CDIN1: variants seen among roughly 807,000 people sequenced by gnomAD.
CDIN1 encodes CDAN1 interacting nuclease 1, also known as CDAN1-interacting nuclease 1.
Under a neutral mutation model 45.3 loss-of-function variants are expected in CDIN1, and 33 were observed. The observed-to-expected ratio is 0.73, with a 90% confidence interval of 0.55 to 0.97. The LOEUF (loss-of-function observed/expected upper bound fraction) is 0.97, where lower values mean the gene tolerates loss of function less well. Ranked by LOEUF, CDIN1 falls within the 50% of genes least tolerant of loss-of-function variation. The pLI, the probability that CDIN1 is intolerant of heterozygous loss-of-function variation, is 0.00. For synonymous variants in CDIN1, 118 were observed against 124.4 expected, an observed-to-expected ratio of 0.95 and a Z score of 0.34; for missense variants, 303 against 339.4, an observed-to-expected ratio of 0.89 and a Z score of 0.84.
chr15:36,678,730 T>A (rs1434212489), intron 5 of CDIN1, among the ~76,000 whole-genome samples: 2 of 152,198 alleles, frequency 1.3e-5, no homozygotes, highest in African/African-American at 2.4e-5. Context: ...GATCTTAGAT[T>A]AGGGATCCCA....
intron 10 of CDIN1, 22 bp from the exon 11 acceptor site, chr15:36,808,302 T>C: frequency 6.2e-7 from 1 of 1,612,694 alleles, no homozygotes; most frequent in Non-Finnish European, 8.5e-7. Flanking sequence ...TGTGTGTGTG[T>C]TATTTTCTGG....
rs5811929 is a variant in CDIN1 at position 36,722,955 on chromosome 15, T to TTGTGTG, written c.716+13020_716+13025dup. On this transcript the variant is annotated intron_variant, in intron 10 of 10. Coordinates refer to ENST00000566621, the MANE Select transcript of CDIN1 (RefSeq NM_001321759.2). ...ATTAACACAAGTCAATTACATTCAC[T>TTGTGTG]TGTGTGTGTGTGTGTGTGTGTGTGT... Among the ~76,000 whole-genome samples the TTGTGTG allele has an allele frequency of 3.2e-3, 193 of 60,608 alleles. 2 individuals are homozygous for TTGTGTG. The South Asian group carries it at 0.046, about 14-fold the overall frequency. The allele number at this position is 60,608 out of a possible 152,430, so 39.8% of individuals were successfully genotyped here.
intron 5 of CDIN1, among the ~76,000 whole-genome samples, chr15:36,669,771 T>C (rs2041379366): frequency 6.6e-6 from 1 of 152,102 alleles, no homozygotes; most frequent in African/African-American, 2.4e-5. Flanking sequence ...TCAATTTGGA[T>C]GTGTCTAAGG....
Position 36,612,704 on chromosome 15 carries a change from T to C in CDIN1, c.102-31574T>C, listed in dbSNP as rs182723417. 9.8e-5 allele frequency among the ~76,000 whole-genome samples: 15 copies of C among 152,308 alleles called. No homozygotes were observed. The East Asian group carries it at 2.7e-3, about 27-fold the overall frequency. On this transcript the variant is annotated intron_variant, in intron 1 of 10. Transcript: ENST00000566621. ...TTTGGTCTGACTATGTCAGGACTTG[T>C]ATATGGCTTTTACAGATTTCCTGCA...
chr15:36,623,490 TG>T (rs1284317754), intron 1 of CDIN1, among the ~76,000 whole-genome samples: 4 of 152,352 alleles, frequency 2.6e-5, no homozygotes, highest in East Asian at 1.9e-4. Flanking sequence ...CAGTAGTGAA[TG>T]GTGGATTTTA....
chr15:36,753,599 A>G (rs1180014476), intron 10 of CDIN1, among the ~76,000 whole-genome samples: 5 of 146,996 alleles, frequency 3.4e-5, no homozygotes, highest in Non-Finnish European at 5.9e-5. Context: ...GAATCAAACT[A>G]TTGACATGTA....
chr15:36,614,715 A>G (rs1433121937), intron 1 of CDIN1, among the ~76,000 whole-genome samples: 1 of 152,236 alleles, frequency 6.6e-6, no homozygotes, highest in Non-Finnish European at 1.5e-5. Context: ...TGCTGTCTAC[A>G]AAGTACTAGC....
chr15:36,619,286 T>G, intron 1 of CDIN1: 6 of 986,142 alleles, frequency 6.1e-6, no homozygotes, highest in Non-Finnish European at 5.6e-6. Context: ...ACAAAACTAT[T>G]CAAAAACTTC....
intron 10 of CDIN1, among the ~76,000 whole-genome samples, chr15:36,773,451 T>A (rs1049823412): frequency 1.3e-5 from 2 of 152,234 alleles, no homozygotes; most frequent in Admixed American, 6.5e-5. Flanking sequence ...AGTTATTTTT[T>A]ATTTTGATTT....
chr15:36,674,117 T>A (rs2041553873), intron 5 of CDIN1, among the ~76,000 whole-genome samples: 1 of 152,174 alleles, frequency 6.6e-6, no homozygotes, highest in Non-Finnish European at 1.5e-5. Context: ...GGCTCCTTAA[T>A]AAGCGTATGC....
At chr15:36,718,812 C>CTTTTTTTTTTTTTTTTTTTT (rs3045909) in intron 10 of CDIN1, among the ~76,000 whole-genome samples, 6 of 96,626 alleles carry the variant, frequency 6.2e-5, no homozygotes, top group Non-Finnish European at 9.8e-5. Context: ...AATTTGTATG[C>CTTTTTTTTTTTTTTTTTTTT]TTTTTTTTTT....
intron 10 of CDIN1, among the ~76,000 whole-genome samples, chr15:36,725,317 CTTTTT>C (rs34845224): frequency 2.1e-5 from 3 of 139,942 alleles, no homozygotes; most frequent in Non-Finnish European, 4.6e-5. Context: ...TCTCTTGCCT[CTTTTT>C]TTTTTTTTTT....
chr15:36,694,729 C>T (rs538473428), intron 7 of CDIN1, among the ~76,000 whole-genome samples: 3 of 152,142 alleles, frequency 2.0e-5, no homozygotes, highest in Non-Finnish European at 4.4e-5. Context: ...TAGACAAAAG[C>T]ATAAACTATG....
At chr15:36,622,089 A>G (rs2039222775) in intron 1 of CDIN1, among the ~76,000 whole-genome samples, 2 of 152,252 alleles carry the variant, frequency 1.3e-5, no homozygotes, top group African/African-American at 4.8e-5. Flanking sequence ...AAACTTGAAG[A>G]GAAAAACTTT....
At chr15:36,638,060 T>C (rs956572196) in intron 1 of CDIN1, among the ~76,000 whole-genome samples, 2 of 152,238 alleles carry the variant, frequency 1.3e-5, no homozygotes, top group African/African-American at 2.4e-5. Context: ...TTCTTTGGGC[T>C]GTGCATTTGT....
intron 1 of CDIN1, among the ~76,000 whole-genome samples, chr15:36,616,219 A>G (rs77181012): frequency 0.016 from 2,390 of 152,030 alleles, 50 homozygotes; most frequent in African/African-American, 0.054. Flanking sequence ...TAGAGGCTCT[A>G]TCCTTTAAGA....
intron 1 of CDIN1, among the ~76,000 whole-genome samples, chr15:36,632,641 A>G (rs1213966373): frequency 2.0e-5 from 3 of 152,320 alleles, no homozygotes; most frequent in Middle Eastern, 3.4e-3. Flanking sequence ...TATGCATGTT[A>G]TAAGTGTGTA....
At chr15:36,656,024 G>C (rs1488904042) in intron 4 of CDIN1, among the ~76,000 whole-genome samples, 1 of 152,074 alleles carries the variant, frequency 6.6e-6, no homozygotes, top group Non-Finnish European at 1.5e-5. Context: ...AAGAGAAAAC[G>C]TAGTTGTTTA....
intron 7 of CDIN1, among the ~76,000 whole-genome samples, chr15:36,696,883 C>T (rs1009076117): frequency 6.9e-6 from 1 of 145,472 alleles, no homozygotes; most frequent in South Asian, 2.1e-4. Context: ...AGACTGAGGT[C>T]GGAGAATCAC....
Sources: allele counts gnomAD v4.1 joint callset (sites outside exome capture counted in the v4.1 genomes callset), GRCh38; gene constraint gnomAD v4.1.1; transcripts MANE v1.5; gene names NCBI Gene and HGNC (gene_info 2026-07-23, HGNC 2026-07-21).